Variants in SKA2 observed in about 807,000 individuals in gnomAD.
The protein encoded by SKA2 is spindle and kinetochore-associated protein 2.
In SKA2, 13 loss-of-function variants were observed where a neutral mutation model predicts 16.9. The ratio of observed to expected loss-of-function variants is 0.77; its 90% CI spans 0.50 to 1.22. The LOEUF (loss-of-function observed/expected upper bound fraction) is 1.22. SKA2 is among the 50% of genes most tolerant of loss of function. The pLI, the probability that SKA2 is intolerant of heterozygous loss-of-function variation, is 0.00. For synonymous variants in SKA2, 47 were observed against 48.5 expected (o/e 0.97, Z 0.13); for missense variants, 107 against 139.7 (o/e 0.77, Z 1.18).
intron 1 of SKA2, among the ~76,000 whole-genome samples, chr17:59,138,139 T>G (rs1214498398): frequency 6.6e-6 from 1 of 151,800 alleles, no homozygotes; most frequent in Non-Finnish European, 1.5e-5. Flanking sequence ...AAATCAGTAA[T>G]AAAAATAAAG....
chr17:59,118,747 T>C (rs1014327035), intron 3 of SKA2, among the ~76,000 whole-genome samples: 11 of 152,232 alleles, frequency 7.2e-5, no homozygotes, highest in African/African-American at 2.7e-4. Context: ...TTTATCGTTC[T>C]AAGCAGATAT....
At chr17:59,147,530 C>T (rs922215977) in intron 1 of SKA2, among the ~76,000 whole-genome samples, 2 of 151,972 alleles carry the variant, frequency 1.3e-5, no homozygotes, top group Non-Finnish European at 2.9e-5. Context: ...CTGTATTTTC[C>T]CAACTATTTT....
intron 2 of SKA2, among the ~76,000 whole-genome samples, chr17:59,121,088 G>C (rs1177516529): frequency 6.7e-6 from 1 of 149,618 alleles, no homozygotes; most frequent in Non-Finnish European, 1.5e-5. Flanking sequence ...GGAGGCAGAG[G>C]TTGCTGTGAG....
At chr17:59,145,372 A>G (rs533385266) in intron 1 of SKA2, among the ~76,000 whole-genome samples, 1 of 152,216 alleles carries the variant, frequency 6.6e-6, no homozygotes, top group Non-Finnish European at 1.5e-5. Context: ...AGTTTCCCCC[A>G]GTTGTACAAT....
chr17:59,124,768 A>G (rs1205420560), intron 2 of SKA2, among the ~76,000 whole-genome samples: 2 of 152,184 alleles, frequency 1.3e-5, no homozygotes, highest in Non-Finnish European at 2.9e-5. Flanking sequence ...TTGGGCAGCT[A>G]CCCATAATAC....
intron 1 of SKA2, chr17:59,151,347 T>C: frequency 2.5e-6 from 1 of 403,934 alleles, no homozygotes; most frequent in South Asian, 1.8e-5. Context: ...TATATCAATG[T>C]TTTTTTAAAA....
chr17:59,119,188 T>A, intron 3 of SKA2, 131 bp downstream of exon 3: 1 of 885,658 alleles, frequency 1.1e-6, no homozygotes, highest in Non-Finnish European at 1.7e-6. Context: ...TACTTCAGGG[T>A]ATCAGGAAAA....
Position 59,112,223 on chromosome 17 carries a change from T to C in SKA2, c.*54A>G. ...AGGGTTAACAAGACATCTTCCTAAA[T>C]TTCTCCGGAATTAAGCTCTTCTCTG... On this transcript the variant is annotated 3_prime_UTR_variant, in exon 4 of 4. Coordinates refer to ENST00000330137, the MANE Select transcript of SKA2 (RefSeq NM_182620.4). 1 of 1,463,586 alleles carries C rather than the reference T, an allele frequency of 6.8e-7. No individual in the cohort carries two copies. 90.7% of individuals were successfully genotyped at this position (1,463,586 alleles called of 1,614,324 possible).
chr17:59,113,292 C>T lies in SKA2; in HGVS notation c.298-947G>A, dbSNP rs149431352. On this transcript the variant is annotated intron_variant, in intron 3 of 3. Coordinates refer to ENST00000330137, the MANE Select transcript of SKA2 (RefSeq NM_182620.4). The stretch of plus-strand genomic sequence containing the variant: ...ATCCCAGCGCTTCGGGAGGCTGAGG[C>T]GGGTGGATCACTTGAGGTCAGGAGT... Among the ~76,000 whole-genome samples, 137 of 151,362 alleles carry T rather than the reference C, an allele frequency of 9.1e-4. No homozygotes were observed. The Middle Eastern group carries it at 0.01, about 12-fold the overall frequency.
intron 2 of SKA2, among the ~76,000 whole-genome samples, chr17:59,128,442 T>C (rs2046386423): frequency 6.6e-6 from 1 of 151,836 alleles, no homozygotes; most frequent in Non-Finnish European, 1.5e-5. Flanking sequence ...CTGGCCAACA[T>C]GGCAAAACCC....
rs1392410982 is a variant in SKA2 at position 59,119,499 on chromosome 17, T to C, written c.121-4A>G. ...TTAAGAGTGTAACTGGATTTTTCTA[T>C]GTCAGGAAAAAAGTGAACATGTATT... On this transcript the variant is annotated splice_polypyrimidine_tract_variant and splice_region_variant and intron_variant, in intron 2 of 3. Coordinates refer to ENST00000330137, the MANE Select transcript of SKA2 (RefSeq NM_182620.4). The C allele has an allele frequency of 1.9e-6, 3 of 1,611,412 alleles. No individual in the cohort carries two copies. Among genetic ancestry groups the C allele is most frequent in the Non-Finnish European group, 2.5e-6 (3 of 1,178,952 alleles).
intron 1 of SKA2, among the ~76,000 whole-genome samples, chr17:59,153,355 TAAA>T (rs1191052772): frequency 2.0e-5 from 3 of 152,182 alleles, no homozygotes; most frequent in African/African-American, 7.2e-5. Context: ...AACTTAAAAC[TAAA>T]AGTTCATTAT....
chr17:59,120,405 CTTTTCT>C (rs1188339035), intron 2 of SKA2, among the ~76,000 whole-genome samples: 1 of 151,760 alleles, frequency 6.6e-6, no homozygotes, highest in African/African-American at 2.4e-5. Context: ...CTTGGTAATT[CTTTTCT>C]TTAATTTTTT....
chr17:59,155,041 G>A lies in SKA2; in HGVS notation c.33+90C>T, dbSNP rs572650229. On this transcript the variant is annotated intron_variant, in intron 1 of 3. Coordinates refer to ENST00000330137, the MANE Select transcript of SKA2 (RefSeq NM_182620.4). ...ACTCTGGTCCAGCCTCCGCCGCCCG[G>A]AGTTTCCGGCGACTCCAAATTGTGC... The A allele has an allele frequency of 3.1e-6, 5 of 1,614,006 alleles. No homozygotes were observed. The East Asian group carries it at 1.1e-4, about 36-fold the overall frequency.
At chr17:59,138,589 C>T (rs1374175995) in intron 1 of SKA2, among the ~76,000 whole-genome samples, 2 of 151,960 alleles carry the variant, frequency 1.3e-5, no homozygotes, top group Non-Finnish European at 2.9e-5. Context: ...CGCCACAACG[C>T]CTAGTAAATT....
At position 59,111,694 on chromosome 17, in the gene SKA2, T is replaced by C. The variant is rs933874025; in HGVS notation, c.*583A>G. On this transcript the variant is annotated 3_prime_UTR_variant, in exon 4 of 4. Coordinates refer to ENST00000330137, the MANE Select transcript of SKA2 (RefSeq NM_182620.4). ...GTTCAACATTAGCAGGCAAGGGAAA[T>C]AGGGAAAGAAATACGCAAACGTGGC... 6.6e-6 allele frequency: 1 copy of C among 152,088 alleles called. No homozygotes were observed. Among genetic ancestry groups the C allele is most frequent in the African/African-American group, 2.4e-5 (1 of 41,376 alleles). 9.4% of individuals were successfully genotyped at this position (152,088 alleles called of 1,614,324 possible). A position where few individuals can be genotyped will look rare whatever the true frequency, so the allele number is the denominator to read the frequency against.
At chr17:59,120,424 T>C (rs2046324861) in intron 2 of SKA2, among the ~76,000 whole-genome samples, 1 of 151,990 alleles carries the variant, frequency 6.6e-6, no homozygotes, top group African/African-American at 2.4e-5. Context: ...AATTTTTTTT[T>C]TAAATAGATA....
intron 2 of SKA2, among the ~76,000 whole-genome samples, chr17:59,128,898 G>C (rs1030736087): frequency 5.3e-5 from 8 of 152,010 alleles, no homozygotes; most frequent in African/African-American, 1.9e-4. Flanking sequence ...ACTTTAAAGG[G>C]GTGAATTTAA....
At chr17:59,135,695 C>T (rs1358562815) in intron 1 of SKA2, among the ~76,000 whole-genome samples, 3 of 150,148 alleles carry the variant, frequency 2.0e-5, no homozygotes, top group East Asian at 3.9e-4. Context: ...TAGCCGGACA[C>T]GGTGGCTGAA....
Sources: gnomAD v4.1 joint callset for allele counts (sites outside exome capture counted in the v4.1 genomes callset) on GRCh38, gnomAD v4.1.1 for gene constraint, MANE v1.5 for transcripts, NCBI Gene and HGNC (gene_info 2026-07-23, HGNC 2026-07-21) for gene names.